The following NFIC variants were observed in gnomAD, a reference collection of about 807,000 sequenced individuals.
NFIC encodes the protein nuclear factor I C.
In NFIC, 12 loss-of-function variants were observed where a neutral mutation model predicts 54.4. The observed-to-expected ratio is 0.22, with a 90% CI of 0.14 to 0.36. NFIC has a LOEUF of 0.36. Ranked by LOEUF, NFIC falls within the 10% of genes least tolerant of loss-of-function variation. The pLI is 1.00. For missense variants in NFIC, 575 were observed against 718.2 expected (o/e 0.80, Z 2.28); for synonymous variants, 322 against 319.2 (o/e 1.01, Z -0.09).
In NFIC at chr19:3,444,963, A is replaced by G. The variant is rs559502314; in HGVS notation, c.959-4051A>G. On this transcript the variant is annotated intron_variant, in intron 6 of 10. Transcript: ENST00000443272. ...AACATGCATGTGCAGGCATACACAT[A>G]CATGCATATATTCACGTGCACACGC... Among the ~76,000 whole-genome samples the G allele has an allele frequency of 6.0e-4, 92 of 152,336 alleles. 1 individual carries two copies. In the South Asian group the frequency reaches 0.018, roughly 30 times the overall value.
At position 3,425,227 on chromosome 19, in the gene NFIC, C is replaced by T. The variant is rs1367950713; in HGVS notation, c.634+50C>T. The T allele has an allele frequency of 9.7e-6, 15 of 1,539,318 alleles. No individual in the cohort carries two copies. The Admixed American group carries it at 2.5e-4, about 26-fold the overall frequency. ...TGAAGGGCGGAGGGCGCAGCCCTGT[C>T]CTCGTCTTTTATTTGGGAATCATTT... On this transcript the variant is annotated intron_variant, in intron 3 of 10. Transcript: ENST00000443272.
At chr19:3,371,852 T>C (rs2081015680) in intron 1 of NFIC, among the ~76,000 whole-genome samples, 1 of 151,804 alleles carries the variant, frequency 6.6e-6, no homozygotes, top group Non-Finnish European at 1.5e-5. Context: ...TTTCTGTTAG[T>C]TTTTCTTTTC....
At chr19:3,394,360 G>T (rs868304272) in intron 2 of NFIC, among the ~76,000 whole-genome samples, 1 of 151,774 alleles carries the variant, frequency 6.6e-6, no homozygotes, top group African/African-American at 2.4e-5. Flanking sequence ...TGAACCTGCG[G>T]TCCCAGCTAC....
intron 1 of NFIC, among the ~76,000 whole-genome samples, chr19:3,367,155 T>C (rs1555737813): frequency 6.6e-6 from 1 of 151,784 alleles, no homozygotes; most frequent in Non-Finnish European, 1.5e-5. Flanking sequence ...TTTCCCCGTG[T>C]CCCCCCACCA....
Position 3,435,226 on chromosome 19 carries a change from G to GCGGAGC in NFIC, c.958+23_958+28dup. 6.4e-7 allele frequency: 1 copy of GCGGAGC among 1,557,528 alleles called. No homozygotes were observed. Among genetic ancestry groups the GCGGAGC allele is most frequent in the Non-Finnish European group, 8.7e-7 (1 of 1,145,322 alleles). ...GAAGGAGGTAGGGCTGGTGGCGGGG[G>GCGGAGC]CGGAGCCGGCCTTCCGGTCTGAGTC... On this transcript the variant is annotated intron_variant, in intron 6 of 10. Transcript: ENST00000443272.
At position 3,434,284 on chromosome 19, in the gene NFIC, G is replaced by C; in HGVS notation, c.717G>C (p.Val239=). ...TELIQVSRTP[V]VTGTGPNFSL... ...CTCTGTCACCCTCTGCAGCACCCGT[G>C]GTGACTGGAACAGGACCCAACTTCT... The change falls in exon 5 of 11, where the codon GTG becomes GTC. Residue 239 remains valine, a synonymous_variant. Transcript: ENST00000443272. 6.2e-7 allele frequency: 1 copy of C among 1,610,744 alleles called. No individual in the cohort carries two copies. The highest frequency in any genetic ancestry group is 8.5e-7 in the Non-Finnish European group (1 of 1,179,310).
intron 3 of NFIC, among the ~76,000 whole-genome samples, chr19:3,427,878 G>A (rs557523748): frequency 2.9e-5 from 4 of 139,446 alleles, no homozygotes; most frequent in South Asian, 2.4e-4. Context: ...AAGAGAGAGA[G>A]AAAAAGAAGG....
intron 2 of NFIC, among the ~76,000 whole-genome samples, chr19:3,384,435 C>T (rs1372187655): frequency 1.3e-5 from 2 of 151,528 alleles, no homozygotes; most frequent in Non-Finnish European, 2.9e-5. Context: ...GTTCCCCGGG[C>T]TGGAGTCCAG....
intron 1 of NFIC, among the ~76,000 whole-genome samples, chr19:3,368,125 C>T (rs930292987): frequency 6.6e-6 from 1 of 152,090 alleles, no homozygotes; most frequent in African/African-American, 2.4e-5. Context: ...AACTAGGGTT[C>T]GAGTGGGCAC....
intron 10 of NFIC, among the ~76,000 whole-genome samples, chr19:3,460,600 G>A (rs902968565): frequency 4.6e-5 from 7 of 151,836 alleles, no homozygotes; most frequent in African/African-American, 1.2e-4. Flanking sequence ...TACAACCTCC[G>A]CCCCCTGGAT....
Position 3,399,449 on chromosome 19 carries a change from G to T in NFIC, c.562+17206G>T, listed in dbSNP as rs377382220. Among the ~76,000 whole-genome samples the T allele has an allele frequency of 2.0e-5, 3 of 152,228 alleles. No individual in the cohort carries two copies. In the East Asian group the frequency reaches 5.8e-4, roughly 29 times the overall value. On this transcript the variant is annotated intron_variant, in intron 2 of 10. Transcript: ENST00000443272. Reference sequence around the variant, plus strand: ...AACTTAGCCAGGCATGGTGATGTGTGCCTGTAGCCCCAGCCACTCGAGAGG... The same window carrying T: ...AACTTAGCCAGGCATGGTGATGTGTTCCTGTAGCCCCAGCCACTCGAGAGG...
At chr19:3,363,176 G>A (rs1417185643), upstream of NFIC, among the ~76,000 whole-genome samples, 1 of 148,148 alleles carries the variant, frequency 6.8e-6, no homozygotes. Context: ...CATAAAGGAT[G>A]TACTTGTGGA....
At chr19:3,386,286 C>A (rs1003252828) in intron 2 of NFIC, among the ~76,000 whole-genome samples, 6 of 150,252 alleles carry the variant, frequency 4.0e-5, no homozygotes, top group African/African-American at 1.2e-4. Flanking sequence ...CACAGCTGCC[C>A]TGTGAGGCAA....
chr19:3,429,136 TACACACACAC>T (rs57006287), intron 3 of NFIC, among the ~76,000 whole-genome samples: 40 of 83,890 alleles, frequency 4.8e-4, no homozygotes, highest in Admixed American at 1.2e-3. Flanking sequence ...AAAAAAAATA[TACACACACAC>T]ACACACACAC....
intron 3 of NFIC, among the ~76,000 whole-genome samples, chr19:3,426,062 G>A (rs2082023674): frequency 6.7e-6 from 1 of 150,266 alleles, no homozygotes; most frequent in African/African-American, 2.5e-5. Flanking sequence ...AGCCTCCTGA[G>A]TAGCTGGGAT....
chr19:3,385,567 G>A (rs1017363849), intron 2 of NFIC, among the ~76,000 whole-genome samples: 4 of 132,316 alleles, frequency 3.0e-5, no homozygotes, highest in South Asian at 5.0e-4. Context: ...TTTTTTGGTT[G>A]TTGTTGTTTT....
intron 2 of NFIC, among the ~76,000 whole-genome samples, chr19:3,422,321 G>A (rs142040482): frequency 0.015 from 2,293 of 151,904 alleles, 59 homozygotes; most frequent in African/African-American, 0.051. Context: ...CGATCCTCCC[G>A]CTTCGGCCTC....
intron 1 of NFIC, among the ~76,000 whole-genome samples, chr19:3,367,573 G>A (rs1424188225): frequency 4.6e-5 from 7 of 152,176 alleles, no homozygotes; most frequent in Non-Finnish European, 5.9e-5. Context: ...GGGGGTGTGT[G>A]GGGAGGGGGC....
At chr19:3,391,214 C>T (rs886597920) in intron 2 of NFIC, among the ~76,000 whole-genome samples, 11 of 152,054 alleles carry the variant, frequency 7.2e-5, no homozygotes, top group African/African-American at 2.7e-4. Flanking sequence ...CACACCACTG[C>T]ACTCCAGCCT....
Sources: allele counts gnomAD v4.1 joint callset (sites outside exome capture counted in the v4.1 genomes callset), GRCh38; gene constraint gnomAD v4.1.1; transcripts MANE v1.5; gene names NCBI Gene and HGNC (gene_info 2026-07-23, HGNC 2026-07-21).